OSTF1: variants seen among roughly 807,000 people sequenced by gnomAD.
OSTF1 encodes osteoclast stimulating factor 1.
Under a neutral mutation model 37.2 loss-of-function variants are expected in OSTF1, and 27 were observed. That is an observed-to-expected ratio of 0.73 (90% CI 0.54 to 1.00). The LOEUF (loss-of-function observed/expected upper bound fraction) is 1.00, where lower values mean the gene tolerates loss of function less well. OSTF1 is among the 50% of genes least tolerant of loss of function. OSTF1 has a pLI of 0.00. For synonymous variants in OSTF1, 82 were observed against 89.2 expected (o/e 0.92, Z 0.46); for missense variants, 232 against 253.8 (o/e 0.91, Z 0.58).
rs1017684836 is a variant in OSTF1 at position 75,096,632 on chromosome 9, G to T, written c.34+7906G>T. 5.9e-5 allele frequency among the ~76,000 whole-genome samples: 9 copies of T among 152,168 alleles called. No homozygotes were observed. The South Asian group carries it at 6.2e-4, about 10-fold the overall frequency. ...CATGGATTCTATTTTAGGATTCTCG[G>T]CTTCCCAGCCAGGACTTACTGCCAT... On this transcript the variant is annotated intron_variant, in intron 1 of 9. Transcript: ENST00000346234.
At chr9:75,143,588 T>C (rs1410610759) in intron 9 of OSTF1, among the ~76,000 whole-genome samples, 1 of 152,240 alleles carries the variant, frequency 6.6e-6, no homozygotes, top group African/African-American at 2.4e-5. Context: ...CTCTTTCATT[T>C]ACATTATGTC....
At chr9:75,097,259 G>A (rs549416752) in intron 1 of OSTF1, among the ~76,000 whole-genome samples, 18 of 152,286 alleles carry the variant, frequency 1.2e-4, no homozygotes, top group African/African-American at 4.3e-4. Flanking sequence ...CCTATCCGAA[G>A]CTGAAATGTG....
Position 75,117,565 on chromosome 9 carries a change from T to C in OSTF1, c.81+15T>C. 1 of 1,576,932 alleles carries C rather than the reference T, an allele frequency of 6.3e-7. No individual in the cohort carries two copies. The highest frequency in any genetic ancestry group is 8.7e-7 in the Non-Finnish European group (1 of 1,147,196). On this transcript the variant is annotated intron_variant, in intron 2 of 9. Transcript: ENST00000346234. ...AACCCAGAACTGTAAGTGTTCAGTT[T>C]TTAACTTCTAAAATTGACAGAAAAA... is the stretch of plus-strand genomic sequence containing the variant.
intron 1 of OSTF1, among the ~76,000 whole-genome samples, chr9:75,090,621 G>C (rs1824954968): frequency 6.6e-6 from 1 of 152,028 alleles, no homozygotes; most frequent in African/African-American, 2.4e-5. Context: ...TTTACAGTGA[G>C]AAACATTACT....
At chr9:75,100,472 G>A (rs1216722821) in intron 1 of OSTF1, among the ~76,000 whole-genome samples, 1 of 152,096 alleles carries the variant, frequency 6.6e-6, no homozygotes, top group Admixed American at 6.6e-5. Context: ...GCTCACGCCT[G>A]TAATCCCAAC....
chr9:75,117,023 T>C (rs1348710508), intron 1 of OSTF1, among the ~76,000 whole-genome samples: 2 of 152,194 alleles, frequency 1.3e-5, no homozygotes, highest in Non-Finnish European at 2.9e-5. Context: ...GCTACTTATA[T>C]ATTTTTCTAT....
chr9:75,100,847 C>A (rs1019218128), intron 1 of OSTF1, among the ~76,000 whole-genome samples: 9 of 152,168 alleles, frequency 5.9e-5, no homozygotes, highest in African/African-American at 1.9e-4. Context: ...AACTCTCCCC[C>A]ACCTTCCAGG....
chr9:75,135,873 G>A (rs11144246), intron 7 of OSTF1, among the ~76,000 whole-genome samples: 12,256 of 152,216 alleles, frequency 0.081, 730 homozygotes, highest in Non-Finnish European at 0.12. Flanking sequence ...AGCTTTTAGA[G>A]GCCACCCCTC....
At chr9:75,100,377 A>T (rs1022468728) in intron 1 of OSTF1, among the ~76,000 whole-genome samples, 1 of 152,202 alleles carries the variant, frequency 6.6e-6, no homozygotes, top group Admixed American at 6.5e-5. Context: ...GCCCATGTTC[A>T]TAAAAAGATA....
chr9:75,108,420 C>A lies in OSTF1; in HGVS notation c.35-9084C>A, dbSNP rs537032814. 2.6e-3 allele frequency among the ~76,000 whole-genome samples: 399 copies of A among 150,992 alleles called. 3 individuals carry two copies. The highest frequency in any genetic ancestry group is 9.5e-3 in the African/African-American group (389 of 41,082). On this transcript the variant is annotated intron_variant, in intron 1 of 9. Transcript: ENST00000346234. ...ACTGAAATCATTTTCTTCAATTTTT[C>A]CCCAAGAAAATTTTCAATATTAATA...
In OSTF1 at chr9:75,100,384, G is replaced by A. The variant is rs543117040; in HGVS notation, c.34+11658G>A. ...GTCCATGTGCCCATGTTCATAAAAA[G>A]ATAAAATGATCTTCTGGGCATCCAT... On this transcript the variant is annotated intron_variant, in intron 1 of 9. Transcript: ENST00000346234. Among the ~76,000 whole-genome samples, 104 of 152,152 alleles carry A rather than the reference G, an allele frequency of 6.8e-4. 1 individual carries two copies. The highest frequency in any genetic ancestry group is 1.5e-3 in the Admixed American group (23 of 15,270).
At chr9:75,099,295 G>T (rs915164998) in intron 1 of OSTF1, among the ~76,000 whole-genome samples, 4 of 149,282 alleles carry the variant, frequency 2.7e-5, no homozygotes, top group Non-Finnish European at 5.9e-5. Context: ...AAAAGGTCTT[G>T]TTCTGTCGCC....
At chr9:75,130,688 T>G in intron 4 of OSTF1, 47 bp downstream of exon 4, 1 of 1,309,378 alleles carries the variant, frequency 7.6e-7, no homozygotes, top group Non-Finnish European at 1.1e-6. Context: ...CACTTGGAAT[T>G]TTTTGGTTCT....
chr9:75,097,769 T>TG (rs1279320578), intron 1 of OSTF1, among the ~76,000 whole-genome samples: 2 of 144,480 alleles, frequency 1.4e-5, no homozygotes, highest in African/African-American at 5.1e-5. Context: ...TTTTTTTTTT[T>TG]AAAGCAACAG....
intron 9 of OSTF1, among the ~76,000 whole-genome samples, chr9:75,141,163 T>C (rs941740750): frequency 1.3e-5 from 2 of 151,716 alleles, no homozygotes; most frequent in Non-Finnish European, 2.9e-5. Flanking sequence ...TAGTCAGACA[T>C]TGTGGTGTGG....
intron 1 of OSTF1, among the ~76,000 whole-genome samples, chr9:75,099,721 C>T (rs1238905465): frequency 1.3e-5 from 2 of 152,064 alleles, no homozygotes; most frequent in South Asian, 2.1e-4. Flanking sequence ...CCCAGCTACT[C>T]GGGTGGCCGA....
intron 3 of OSTF1, among the ~76,000 whole-genome samples, chr9:75,128,385 T>TTTTTTTGTCC (rs1330797193): frequency 1.2e-4 from 11 of 90,046 alleles, no homozygotes; most frequent in African/African-American, 2.0e-4. Flanking sequence ...TATATATATA[T>TTTTTTTGTCC]ATATATATAT....
At chr9:75,099,798 C>T (rs556637907) in intron 1 of OSTF1, among the ~76,000 whole-genome samples, 17 of 152,114 alleles carry the variant, frequency 1.1e-4, no homozygotes, top group Middle Eastern at 3.4e-3. Context: ...CATTGCACTC[C>T]AGCCTGGGCA....
intron 1 of OSTF1, among the ~76,000 whole-genome samples, chr9:75,114,717 C>A (rs1220805537): frequency 6.6e-6 from 1 of 152,038 alleles, no homozygotes; most frequent in Non-Finnish European, 1.5e-5. Context: ...CCAAGCCTGG[C>A]TAATTTTTGT....
Sources: gnomAD v4.1 joint callset for allele counts (sites outside exome capture counted in the v4.1 genomes callset) on GRCh38, gnomAD v4.1.1 for gene constraint, MANE v1.5 for transcripts, NCBI Gene and HGNC (gene_info 2026-07-23, HGNC 2026-07-21) for gene names.